Variants in COL4A2 observed in about 807,000 individuals in gnomAD.
COL4A2 encodes collagen type IV alpha 2 chain.
In COL4A2, 99 loss-of-function variants were observed where a neutral mutation model predicts 200.2. That is an observed-to-expected ratio of 0.49 (90% CI 0.42 to 0.58). COL4A2 has a LOEUF of 0.58. Ranked by LOEUF, COL4A2 falls within the 20% of genes least tolerant of loss-of-function variation. COL4A2 has a pLI of 0.00. For synonymous variants in COL4A2, 897 were observed against 900.6 expected, an observed-to-expected ratio of 1.00 and a Z score of 0.07; for missense variants, 1,950 against 2,314.1, an observed-to-expected ratio of 0.84 and a Z score of 3.23.
intron 4 of COL4A2, among the ~76,000 whole-genome samples, chr13:110,358,667 A>G (rs1877387730): frequency 6.6e-6 from 1 of 152,214 alleles, no homozygotes; most frequent in Non-Finnish European, 1.5e-5. Flanking sequence ...GGGCACCACT[A>G]TCTTCAGTGC....
At chr13:110,407,460 C>T (rs572185741) in intron 4 of COL4A2, among the ~76,000 whole-genome samples, 3 of 152,360 alleles carry the variant, frequency 2.0e-5, no homozygotes, top group South Asian at 4.1e-4. Context: ...CCTAGAAAGC[C>T]GTGGCACACG....
chr13:110,316,165 G>A (rs1344782782), intron 3 of COL4A2, among the ~76,000 whole-genome samples: 1 of 152,170 alleles, frequency 6.6e-6, no homozygotes, highest in East Asian at 1.9e-4. Context: ...AAGAATGTGT[G>A]TTTTTGAATT....
chr13:110,320,905 T>C (rs951920181), intron 3 of COL4A2, among the ~76,000 whole-genome samples: 1 of 152,214 alleles, frequency 6.6e-6, no homozygotes, highest in Admixed American at 6.5e-5. Flanking sequence ...TTTAATTAAC[T>C]AGAGTGTCTA....
intron 3 of COL4A2, among the ~76,000 whole-genome samples, chr13:110,356,151 C>A (rs1242678807): frequency 6.6e-6 from 1 of 152,120 alleles, no homozygotes; most frequent in Non-Finnish European, 1.5e-5. Flanking sequence ...TGAGAAACAC[C>A]TTTTTGCCCC....
At chr13:110,392,065 A>G (rs1048752597) in intron 4 of COL4A2, among the ~76,000 whole-genome samples, 2 of 152,234 alleles carry the variant, frequency 1.3e-5, no homozygotes, top group African/African-American at 4.8e-5. Flanking sequence ...CAAGTTTTCA[A>G]CAACAAATGG....
intron 11 of COL4A2, 144 bp downstream of exon 11, chr13:110,432,504 C>A: frequency 9.3e-7 from 1 of 1,076,172 alleles, no homozygotes; most frequent in Non-Finnish European, 1.3e-6. Flanking sequence ...GTTTTTAAGA[C>A]TTAATGTTAA....
chr13:110,491,128 C>T, intron 36 of COL4A2, 105 bp from the exon 37 acceptor site: 1 of 770,900 alleles, frequency 1.3e-6, no homozygotes, highest in South Asian at 1.5e-5. Flanking sequence ...CTCTCCATTC[C>T]TGAAGGAGCA....
intron 30 of COL4A2, among the ~76,000 whole-genome samples, 170 bp downstream of exon 30, chr13:110,478,334 C>G (rs1882772525): frequency 6.6e-6 from 1 of 152,212 alleles, no homozygotes; most frequent in African/African-American, 2.4e-5. Context: ...ACACAAACAG[C>G]CTGAGACATC....
chr13:110,460,345 C>CA (rs1881976591), intron 22 of COL4A2, among the ~76,000 whole-genome samples: 1 of 152,110 alleles, frequency 6.6e-6, no homozygotes, highest in Non-Finnish European at 1.5e-5. Context: ...GAAAATTCAA[C>CA]AAAAAATAGC....
chr13:110,349,743 A>C (rs1458329693), intron 3 of COL4A2, among the ~76,000 whole-genome samples: 3 of 152,134 alleles, frequency 2.0e-5, no homozygotes, highest in Non-Finnish European at 4.4e-5. Flanking sequence ...CTATCCATGC[A>C]AACAGATGGA....
At chr13:110,511,036 A>G (rs988308642) in intron 47 of COL4A2, among the ~76,000 whole-genome samples, 2 of 152,120 alleles carry the variant, frequency 1.3e-5, no homozygotes, top group African/African-American at 4.8e-5. Context: ...TATATCATAG[A>G]ACAGCCCCTT....
intron 46 of COL4A2, chr13:110,507,677 C>T (rs1883932822): frequency 1.8e-6 from 1 of 570,202 alleles, no homozygotes; most frequent in Non-Finnish European, 3.1e-6. Context: ...GACGCCACTC[C>T]CTGGTGATCC....
At chr13:110,354,798 A>C (rs1363021595) in intron 3 of COL4A2, among the ~76,000 whole-genome samples, 1 of 152,122 alleles carries the variant, frequency 6.6e-6, no homozygotes, top group Non-Finnish European at 1.5e-5. Context: ...CATTGCTGGA[A>C]CCCAAGGCCA....
At chr13:110,439,888 G>A in intron 16 of COL4A2, 55 bp downstream of exon 16, 1 of 1,584,560 alleles carries the variant, frequency 6.3e-7, no homozygotes, top group Non-Finnish European at 8.5e-7. Context: ...TCCCACAGAG[G>A]TTAAATAAAT....
chr13:110,505,851 C>A (rs1484944683), intron 45 of COL4A2, among the ~76,000 whole-genome samples: 1 of 152,168 alleles, frequency 6.6e-6, no homozygotes, highest in African/African-American at 2.4e-5. Context: ...CGGACACTTC[C>A]AACGCCAGGC....
intron 3 of COL4A2, among the ~76,000 whole-genome samples, chr13:110,314,735 G>A (rs760706748): frequency 3.9e-5 from 6 of 152,146 alleles, no homozygotes; most frequent in Non-Finnish European, 5.9e-5. Flanking sequence ...CTGCCCATAC[G>A]CGCTCACCCC....
At chr13:110,475,081 C>G (rs1191723289) in intron 29 of COL4A2, among the ~76,000 whole-genome samples, 1 of 152,280 alleles carries the variant, frequency 6.6e-6, no homozygotes, top group Non-Finnish European at 1.5e-5. Context: ...CACATACACA[C>G]ACGTGCCTAT....
chr13:110,448,572 G>T (rs952946883), intron 18 of COL4A2, among the ~76,000 whole-genome samples: 2 of 152,184 alleles, frequency 1.3e-5, no homozygotes, highest in African/African-American at 4.8e-5. Context: ...AGGTAACATT[G>T]CATGAACTTG....
intron 4 of COL4A2, among the ~76,000 whole-genome samples, chr13:110,390,477 G>C (rs1878945935): frequency 6.6e-6 from 1 of 152,234 alleles, no homozygotes; most frequent in Non-Finnish European, 1.5e-5. Context: ...CCCGAGTGGT[G>C]ATGTGTTGCA....
Sources: gnomAD v4.1 joint callset for allele counts (sites outside exome capture counted in the v4.1 genomes callset) on GRCh38, gnomAD v4.1.1 for gene constraint, MANE v1.5 for transcripts, NCBI Gene and HGNC (gene_info 2026-07-23, HGNC 2026-07-21) for gene names.